Variants in ADCY5 observed in about 807,000 individuals in gnomAD.
The protein encoded by ADCY5 is adenylate cyclase type 5.
Under a neutral mutation model 119.7 loss-of-function variants are expected in ADCY5, and 30 were observed. The observed-to-expected ratio is 0.25, with a 90% CI of 0.19 to 0.34. The LOEUF is 0.34. Ranked by LOEUF, ADCY5 falls within the 10% of genes least tolerant of loss-of-function variation. The pLI, the probability that ADCY5 is intolerant of heterozygous loss-of-function variation, is 1.00. For synonymous variants in ADCY5, 753 were observed against 762.2 expected (o/e 0.99, Z 0.20); for missense variants, 1,324 against 1,775.2 (o/e 0.75, Z 4.57).
chr3:123,340,320 T>C (rs1942221157), intron 3 of ADCY5, among the ~76,000 whole-genome samples: 1 of 152,162 alleles, frequency 6.6e-6, no homozygotes, highest in Non-Finnish European at 1.5e-5. Flanking sequence ...AAGAAAAGTG[T>C]TTATTTTTTA....
At chr3:123,378,152 A>G (rs1943905252) in intron 1 of ADCY5, among the ~76,000 whole-genome samples, 1 of 152,074 alleles carries the variant, frequency 6.6e-6, no homozygotes, top group Non-Finnish European at 1.5e-5. Context: ...CCTCTCCACC[A>G]TCCTGATAAT....
intron 3 of ADCY5, among the ~76,000 whole-genome samples, chr3:123,344,360 G>A (rs1942429176): frequency 6.6e-6 from 1 of 152,168 alleles, no homozygotes; most frequent in African/African-American, 2.4e-5. Context: ...TTGTTGATAT[G>A]AGTGTGATCA....
In ADCY5 at chr3:123,318,061, G is replaced by T; in HGVS notation, c.2313C>A (p.Val771=). Residue 771 remains valine (V), a synonymous_variant, in exon 11 of 21, where the codon GTC becomes GTA. Coordinates refer to ENST00000462833, the MANE Select transcript of ADCY5 (RefSeq NM_183357.3). Reference sequence around the variant, plus strand: ...TCTGGACAAAGCAGATGAAGAGGAAGACGAGCGAGGCACACGCCACATAGG... The same window carrying T: ...TCTGGACAAAGCAGATGAAGAGGAATACGAGCGAGGCACACGCCACATAGG... ...FGAYVACASL[V]FLFICFVQIT... is the part of the protein sequence containing the mutation. The T allele has an allele frequency of 1.2e-6, 2 of 1,613,974 alleles. No individual in the cohort carries two copies. Among genetic ancestry groups the T allele is most frequent in the South Asian group, 2.2e-5 (2 of 91,066 alleles).
intron 16 of ADCY5, 121 bp downstream of exon 16, chr3:123,297,232 G>T: frequency 7.0e-7 from 1 of 1,434,518 alleles, no homozygotes; most frequent in Non-Finnish European, 9.7e-7. Flanking sequence ...CTGTCCTGTT[G>T]GCCTTCTCCT....
In ADCY5 at chr3:123,423,361, T is replaced by C. The variant is rs142765470; in HGVS notation, c.1134+24051A>G. On this transcript the variant is annotated intron_variant, in intron 1 of 20. Coordinates refer to ENST00000462833, the MANE Select transcript of ADCY5 (RefSeq NM_183357.3). ...AGGGAAGCCACTAAGGGGATGTGAT[T>C]CTGCGCCGTGGGAGGTGGGAAGTTT... Among the ~76,000 whole-genome samples, 31 of 152,332 alleles carry C rather than the reference T, an allele frequency of 2.0e-4. No homozygotes were observed. The East Asian group carries it at 5.8e-3, about 28-fold the overall frequency.
At chr3:123,320,549 T>A (rs1941164881) in intron 9 of ADCY5, among the ~76,000 whole-genome samples, 200 bp downstream of exon 9, 1 of 152,194 alleles carries the variant, frequency 6.6e-6, no homozygotes, top group Non-Finnish European at 1.5e-5. Flanking sequence ...TTCTGCTGGG[T>A]GGCCTGGGCT....
chr3:123,441,634 C>T lies in ADCY5; in HGVS notation c.1134+5778G>A, dbSNP rs111501789. Among the ~76,000 whole-genome samples, 1,392 of 152,306 alleles carry T rather than the reference C, an allele frequency of 9.1e-3. 23 individuals carry two copies. The highest frequency in any genetic ancestry group is 0.032 in the African/African-American group (1,328 of 41,550). On this transcript the variant is annotated intron_variant, in intron 1 of 20. Transcript: ENST00000462833. ...ATCCCAGCAATAACACCTTGCCCTT[C>T]GCGTTAGGTTTTCTTACCTGATATG...
intron 1 of ADCY5, among the ~76,000 whole-genome samples, chr3:123,410,328 C>T (rs773800473): frequency 6.6e-6 from 1 of 150,824 alleles, no homozygotes; most frequent in African/African-American, 2.4e-5. Flanking sequence ...TCCTCCTCCT[C>T]CCCCAACCCT....
At chr3:123,355,005 T>C (rs891899838) in intron 1 of ADCY5, among the ~76,000 whole-genome samples, 1 of 152,130 alleles carries the variant, frequency 6.6e-6, no homozygotes, top group African/African-American at 2.4e-5. Context: ...ATATCAAACT[T>C]AATGGTGAAA....
intron 17 of ADCY5, among the ~76,000 whole-genome samples, chr3:123,293,744 G>T (rs1303073994): frequency 2.0e-5 from 3 of 152,150 alleles, no homozygotes; most frequent in Non-Finnish European, 2.9e-5. Context: ...ATGAACTCAG[G>T]ATTATTAAAA....
intron 18 of ADCY5, 47 bp from the exon 19 acceptor site, chr3:123,290,001 G>T: frequency 6.3e-7 from 1 of 1,588,162 alleles, no homozygotes. Flanking sequence ...CTGGGACACC[G>T]AGGGCCACAG....
chr3:123,419,953 A>T (rs1263125851), intron 1 of ADCY5, among the ~76,000 whole-genome samples: 1 of 152,008 alleles, frequency 6.6e-6, no homozygotes, highest in Non-Finnish European at 1.5e-5. Flanking sequence ...ACCCAGCACA[A>T]ATGATGAGCT....
chr3:123,448,995 GCT>G lies in ADCY5; in HGVS notation c.-452_-451del, dbSNP rs1026680764. 3 of 158,688 alleles carry G rather than the reference GCT, an allele frequency of 1.9e-5. No individual in the cohort carries two copies. The highest frequency in any genetic ancestry group is 7.2e-5 in the African/African-American group (3 of 41,716). The allele number at this position is 158,688 out of a possible 1,614,324, so 9.8% of individuals were successfully genotyped here. ...GATTCCGCCTAAGCGGAGCCCAGCT[GCT>G]CTCGGGGCTCGGCGGCGGCGAGGGC... On this transcript the variant is annotated 5_prime_UTR_variant, in exon 1 of 21. Coordinates refer to ENST00000462833, the MANE Select transcript of ADCY5 (RefSeq NM_183357.3).
chr3:123,358,893 T>C (rs923511184), intron 1 of ADCY5, among the ~76,000 whole-genome samples: 1 of 152,144 alleles, frequency 6.6e-6, no homozygotes, highest in East Asian at 1.9e-4. Context: ...TTGGGAAGAC[T>C]CAAAGAAACC....
At chr3:123,338,219 G>A (rs1257264234) in intron 3 of ADCY5, among the ~76,000 whole-genome samples, 1 of 152,196 alleles carries the variant, frequency 6.6e-6, no homozygotes, top group African/African-American at 2.4e-5. Context: ...CACCCACCAG[G>A]AAAGAGCCAC....
intron 1 of ADCY5, among the ~76,000 whole-genome samples, chr3:123,430,958 C>A (rs1447069878): frequency 1.3e-5 from 2 of 152,220 alleles, no homozygotes; most frequent in Non-Finnish European, 2.9e-5. Context: ...TCTGAGGGTA[C>A]AAGCCCCATC....
intron 1 of ADCY5, among the ~76,000 whole-genome samples, chr3:123,432,257 C>G (rs980467822): frequency 2.6e-5 from 4 of 152,230 alleles, no homozygotes; most frequent in East Asian, 3.8e-4. Context: ...GTGTACTGAT[C>G]CACACTCACA....
At chr3:123,394,826 G>C (rs1207539116) in intron 1 of ADCY5, among the ~76,000 whole-genome samples, 1 of 152,184 alleles carries the variant, frequency 6.6e-6, no homozygotes, top group Admixed American at 6.5e-5. Flanking sequence ...ATGGTGACCT[G>C]AGTCACCCAG....
chr3:123,302,234 T>C (rs1360400870), intron 14 of ADCY5, among the ~76,000 whole-genome samples: 1 of 152,254 alleles, frequency 6.6e-6, no homozygotes, highest in Non-Finnish European at 1.5e-5. Flanking sequence ...AGCGAACTGC[T>C]TCCTGGCAAA....
Sources: allele counts gnomAD v4.1 joint callset (sites outside exome capture counted in the v4.1 genomes callset), GRCh38; gene constraint gnomAD v4.1.1; transcripts MANE v1.5; gene names NCBI Gene and HGNC (gene_info 2026-07-23, HGNC 2026-07-21).